TRAF6: variants seen among roughly 807,000 people sequenced by gnomAD.
The protein encoded by TRAF6 is TNF receptor-associated factor 6.
In TRAF6, 10 loss-of-function variants were observed where a neutral mutation model predicts 48.4. The ratio of observed to expected loss-of-function variants is 0.21; its 90% CI spans 0.13 to 0.35. TRAF6 has a LOEUF of 0.35. Among genes scored for constraint, TRAF6 ranks in the 10% least tolerant of loss-of-function variants. The pLI is 1.00. For missense variants in TRAF6, 397 were observed against 661.0 expected (o/e 0.60, Z 4.38); for synonymous variants, 186 against 219.6 (o/e 0.85, Z 1.35).
Position 36,492,736 on chromosome 11 carries a change from G to A in TRAF6, c.679-108C>T, listed in dbSNP as rs1590635686. On this transcript the variant is annotated intron_variant, in intron 5 of 6. Transcript: ENST00000526995. ...TCAATGGCTGCTTTGTACCACATTG[G>A]CAGTTGAATAGGTGCAGCATAAACC... 18 of 824,978 alleles carry A rather than the reference G, an allele frequency of 2.2e-5. No homozygotes were observed. The East Asian group carries it at 2.5e-4, about 11-fold the overall frequency. 51.1% of individuals were successfully genotyped at this position (824,978 alleles called of 1,614,324 possible).
rs962638963 is a variant in TRAF6 at position 36,485,680 on chromosome 11, A to G, written c.*4158T>C. 3.3e-5 allele frequency among the ~76,000 whole-genome samples: 5 copies of G among 152,172 alleles called. No individual in the cohort carries two copies. The highest frequency in any genetic ancestry group is 1.2e-4 in the African/African-American group (5 of 41,408). On this transcript the variant is annotated 3_prime_UTR_variant, in exon 7 of 7. Coordinates refer to ENST00000526995, the MANE Select transcript of TRAF6 (RefSeq NM_004620.4). The stretch of plus-strand genomic sequence containing the variant: ...AATTTCCTGTGGGGAAAAAGCTTTA[A>G]AATATTACACACACAAGTGACATTT...
intron 1 of TRAF6, among the ~76,000 whole-genome samples, chr11:36,509,328 CA>C (rs1038406802): frequency 2.0e-5 from 3 of 152,150 alleles, no homozygotes; most frequent in African/African-American, 7.2e-5. Context: ...CCCCTTAAGC[CA>C]AATACTAGGA....
chr11:36,502,372 T>C (rs1248298607), intron 1 of TRAF6, among the ~76,000 whole-genome samples: 1 of 152,246 alleles, frequency 6.6e-6, no homozygotes, highest in Non-Finnish European at 1.5e-5. Context: ...GCAGATGAGA[T>C]ATCCTCAAAT....
intron 1 of TRAF6, among the ~76,000 whole-genome samples, chr11:36,503,321 G>A (rs1179311241): frequency 6.8e-6 from 1 of 147,218 alleles, no homozygotes; most frequent in East Asian, 2.0e-4. Flanking sequence ...TTGAGACAGA[G>A]TCTCACTCTG....
rs1859463068 is a variant in TRAF6, at chr11:36,485,159, C to T, written c.*4679G>A. Among the ~76,000 whole-genome samples the T allele has an allele frequency of 6.6e-6, 1 of 152,064 alleles. No individual in the cohort carries two copies. The highest frequency in any genetic ancestry group is 1.5e-5 in the Non-Finnish European group (1 of 68,024). On this transcript the variant is annotated 3_prime_UTR_variant, in exon 7 of 7. Coordinates refer to ENST00000526995, the MANE Select transcript of TRAF6 (RefSeq NM_004620.4). Reference sequence around the variant, plus strand: ...GGTCGTAGATGTTCACTATACAAGTCTTTCAACATTTCTGCATGTTTGGGA... The same window carrying T: ...GGTCGTAGATGTTCACTATACAAGTTTTTCAACATTTCTGCATGTTTGGGA...
chr11:36,503,295 G>GTTT (rs781252455), intron 1 of TRAF6, among the ~76,000 whole-genome samples: 10 of 139,380 alleles, frequency 7.2e-5, no homozygotes, highest in Non-Finnish European at 3.1e-5. Flanking sequence ...GTTTACTTAA[G>GTTT]TTTTTTTTTT....
At position 36,486,144 on chromosome 11, in the gene TRAF6, A is replaced by T. The variant is rs545780098; in HGVS notation, c.*3694T>A. Among the ~76,000 whole-genome samples the T allele has an allele frequency of 3.1e-4, 47 of 152,094 alleles. No homozygotes were observed. The highest frequency in any genetic ancestry group is 6.2e-4 in the Non-Finnish European group (42 of 68,038). The stretch of plus-strand genomic sequence containing the variant: ...AACCTGTGCTTCCCGGGTTCAAGCG[A>T]TTCCCGTGCCTCAGCCTCCCAAGAA... On this transcript the variant is annotated 3_prime_UTR_variant, in exon 7 of 7. Coordinates refer to ENST00000526995, the MANE Select transcript of TRAF6 (RefSeq NM_004620.4).
Position 36,501,424 on chromosome 11 carries a change from G to A in TRAF6, c.92C>T (p.Thr31Ile), listed in dbSNP as rs780618300. ...VAMASSCSAV[T>I]KDDSVGGTAS... is the part of the protein sequence containing the mutation. Reference sequence around the variant, plus strand: ...AGTTCCACCCACACTATCATCTTTTGTTACAGCGCTACAGGAGCTGGCCAT... The same window carrying A: ...AGTTCCACCCACACTATCATCTTTTATTACAGCGCTACAGGAGCTGGCCAT... Residue 31 changes from threonine (T) to isoleucine (I), a missense_variant, in exon 2 of 7, where the codon ACA becomes ATA. By Grantham distance (89) the Thr-to-Ile change is moderately conservative. This residue lies in a region of TRAF6 where 73 missense variants were observed against 87.3 expected (regional missense o/e 0.84). Coordinates refer to ENST00000526995, the MANE Select transcript of TRAF6 (RefSeq NM_004620.4). 9.9e-6 allele frequency: 16 copies of A among 1,613,992 alleles called. 1 individual carries two copies. The South Asian group carries it at 1.6e-4, about 17-fold the overall frequency.
Position 36,489,571 on chromosome 11 carries a change from T to G in TRAF6, c.*267A>C. 1 of 467,200 alleles carries G rather than the reference T, an allele frequency of 2.1e-6. No individual in the cohort carries two copies. Among genetic ancestry groups the G allele is most frequent in the Non-Finnish European group, 3.8e-6 (1 of 263,506 alleles). 28.9% of individuals were successfully genotyped at this position (467,200 alleles called of 1,614,324 possible). A position where few individuals can be genotyped will look rare whatever the true frequency, so the allele number is the denominator to read the frequency against. On this transcript the variant is annotated 3_prime_UTR_variant, in exon 7 of 7. Coordinates refer to ENST00000526995, the MANE Select transcript of TRAF6 (RefSeq NM_004620.4). ...AGCCCAAGAAAGTACAACAAAGAGG[T>G]ATACTAACTGGCAAAATAGCTGCTG...
At chr11:36,501,141 G>A in intron 2 of TRAF6, 79 bp downstream of exon 2, 1 of 1,333,470 alleles carries the variant, frequency 7.5e-7, no homozygotes, top group South Asian at 1.7e-5. Flanking sequence ...CTACTTTTGG[G>A]ATGTTCCATG....
intron 1 of TRAF6, among the ~76,000 whole-genome samples, chr11:36,509,256 G>A (rs907150267): frequency 6.6e-6 from 1 of 152,214 alleles, no homozygotes; most frequent in African/African-American, 2.4e-5. Flanking sequence ...CAGCGAAGCT[G>A]CTAATACTTT....
At chr11:36,494,295 G>C (rs1859600426) in intron 5 of TRAF6, among the ~76,000 whole-genome samples, 1 of 152,120 alleles carries the variant, frequency 6.6e-6, no homozygotes, top group East Asian at 1.9e-4. Flanking sequence ...GATCGCCTGA[G>C]CCAGGAATTT....
At chr11:36,509,343 G>A (rs112083173) in intron 1 of TRAF6, among the ~76,000 whole-genome samples, 73 of 152,182 alleles carry the variant, frequency 4.8e-4, no homozygotes, top group African/African-American at 1.6e-3. Flanking sequence ...ACTAGGAACA[G>A]CTTTATCAAC....
intron 1 of TRAF6, among the ~76,000 whole-genome samples, chr11:36,509,211 TCTG>T (rs1859859953): frequency 6.6e-6 from 1 of 152,224 alleles, no homozygotes; most frequent in African/African-American, 2.4e-5. Context: ...GTAATAGTAA[TCTG>T]CTCTCAGAGA....
Position 36,507,681 on chromosome 11 carries a change from A to G in TRAF6, c.-23+2367T>C, listed in dbSNP as rs1442918594. On this transcript the variant is annotated intron_variant, in intron 1 of 6. Coordinates refer to ENST00000526995, the MANE Select transcript of TRAF6 (RefSeq NM_004620.4). ...CATACACACGCGCGTGTATATATGT[A>G]TACATACACGAGCGTGTATATATGT... 2.8e-5 allele frequency among the ~76,000 whole-genome samples: 2 copies of G among 72,332 alleles called. 1 individual carries two copies. Among genetic ancestry groups the G allele is most frequent in the African/African-American group, 1.0e-4 (2 of 19,276 alleles). 47.5% of individuals were successfully genotyped at this position (72,332 alleles called of 152,430 possible).
At position 36,488,238 on chromosome 11, in the gene TRAF6, G is replaced by T. The variant is rs889219994; in HGVS notation, c.*1600C>A. ...GCTTGTGGTACTAATGGTGGCACGGGAAACAAGGTCTCTGCTTGACTTTTA... is the reference window on the plus strand; with the variant it reads ...GCTTGTGGTACTAATGGTGGCACGGTAAACAAGGTCTCTGCTTGACTTTTA... On this transcript the variant is annotated 3_prime_UTR_variant, in exon 7 of 7. Transcript: ENST00000526995. 3 of 137,742 alleles carry T rather than the reference G, an allele frequency of 2.2e-5. No homozygotes were observed. In the Admixed American group the frequency reaches 2.3e-4, roughly 10 times the overall value. The allele number at this position is 137,742 out of a possible 1,614,324, so 8.5% of individuals were successfully genotyped here.
chr11:36,492,708 T>C (rs1859580605), intron 5 of TRAF6, 80 bp from the exon 6 acceptor site: 2 of 1,087,564 alleles, frequency 1.8e-6, no homozygotes, highest in South Asian at 1.3e-5. Flanking sequence ...TTAAACTGTA[T>C]TGTCAATGGC....
Position 36,490,732 on chromosome 11 carries a change from T to A in TRAF6, c.757-82A>T. 7.8e-7 allele frequency: 1 copy of A among 1,274,186 alleles called. No individual in the cohort carries two copies. Among genetic ancestry groups the A allele is most frequent in the Non-Finnish European group, 1.1e-6 (1 of 923,128 alleles). The allele number at this position is 1,274,186 out of a possible 1,614,324, so 78.9% of individuals were successfully genotyped here. On this transcript the variant is annotated intron_variant, in intron 6 of 6. Coordinates refer to ENST00000526995, the MANE Select transcript of TRAF6 (RefSeq NM_004620.4). The surrounding 1 kb of genome is among the most constrained non-coding windows in gnomAD (Gnocchi z 6.4). ...GGACCTGGCCAGGTCAAATAAGAAG[T>A]TTTCAAGTAGTCACACCACTTCCCT...
rs1192348414 is a variant in TRAF6, at chr11:36,487,877, T to G, written c.*1961A>C. ...CTTTTTTGAGCTGGGGGCGTGGAGA[T>G]TAAATGTTTTGTGGCAACATTTAAT... On this transcript the variant is annotated 3_prime_UTR_variant, in exon 7 of 7. Coordinates refer to ENST00000526995, the MANE Select transcript of TRAF6 (RefSeq NM_004620.4). 1 of 152,134 alleles carries G rather than the reference T, an allele frequency of 6.6e-6. No individual in the cohort carries two copies. Among genetic ancestry groups the G allele is most frequent in the Non-Finnish European group, 1.5e-5 (1 of 68,024 alleles). The allele number at this position is 152,134 out of a possible 1,614,324, so 9.4% of individuals were successfully genotyped here.
Sources: gnomAD v4.1 joint callset for allele counts (sites outside exome capture counted in the v4.1 genomes callset) on GRCh38, gnomAD v4.1.1 for gene constraint, gnomAD v4.1.1 regional missense constraint, Gnocchi (gnomAD v3.1) non-coding constraint, MANE v1.5 for transcripts, NCBI Gene and HGNC (gene_info 2026-07-23, HGNC 2026-07-21) for gene names.